MPPED2: variants seen among roughly 807,000 people sequenced by gnomAD.
MPPED2 encodes metallophosphoesterase domain containing 2.
In MPPED2, 5 loss-of-function variants were observed where a neutral mutation model predicts 33.0. The ratio of observed to expected loss-of-function variants is 0.15; its 90% confidence interval spans 0.08 to 0.32. MPPED2 has a LOEUF of 0.32. Ranked by LOEUF, MPPED2 falls within the 10% of genes least tolerant of loss-of-function variation. The pLI, the probability that MPPED2 is intolerant of heterozygous loss-of-function variation, is 1.00. For missense variants in MPPED2, 275 were observed against 372.1 expected (o/e 0.74, Z 2.15); for synonymous variants, 136 against 141.9 (o/e 0.96, Z 0.29).
At chr11:30,584,245 G>C (rs1327332014) in intron 1 of MPPED2, 1 of 152,110 alleles carries the variant, frequency 6.6e-6, no homozygotes. Context: ...TGGGGCGGTG[G>C]GGGGCGCGGA....
chr11:30,541,026 TG>T (rs1413900809), intron 2 of MPPED2, among the ~76,000 whole-genome samples: 1 of 152,232 alleles, frequency 6.6e-6, no homozygotes, highest in Non-Finnish European at 1.5e-5. Context: ...ACCAATGAGC[TG>T]TTCATCAAAG....
chr11:30,513,742 G>C (rs925483864), intron 3 of MPPED2, among the ~76,000 whole-genome samples: 3 of 151,976 alleles, frequency 2.0e-5, no homozygotes, highest in African/African-American at 7.3e-5. Context: ...ATGGATCCTG[G>C]TATAACATGG....
At chr11:30,513,568 C>G (rs1328188818) in intron 3 of MPPED2, among the ~76,000 whole-genome samples, 1 of 152,136 alleles carries the variant, frequency 6.6e-6, no homozygotes, top group African/African-American at 2.4e-5. Flanking sequence ...ATGGATAAGA[C>G]AGAAGGTTAA....
intron 3 of MPPED2, among the ~76,000 whole-genome samples, chr11:30,519,277 A>G (rs1239754031): frequency 6.6e-6 from 1 of 151,732 alleles, no homozygotes; most frequent in Non-Finnish European, 1.5e-5. Context: ...TCAAAAGCAA[A>G]CAAACAAACA....
intron 4 of MPPED2, among the ~76,000 whole-genome samples, chr11:30,431,990 T>C (rs938019430): frequency 2.0e-5 from 3 of 152,038 alleles, no homozygotes; most frequent in Admixed American, 6.6e-5. Flanking sequence ...GTCCGGCCAG[T>C]ATGGCAAAAC....
intron 2 of MPPED2, among the ~76,000 whole-genome samples, chr11:30,573,495 G>A (rs1956794137): frequency 6.6e-6 from 1 of 152,146 alleles, no homozygotes; most frequent in Non-Finnish European, 1.5e-5. Context: ...CCTTCAGGAG[G>A]TATTCCAGAA....
At chr11:30,444,898 G>A (rs902518901) in intron 4 of MPPED2, among the ~76,000 whole-genome samples, 4 of 152,136 alleles carry the variant, frequency 2.6e-5, no homozygotes, top group African/African-American at 4.8e-5. Context: ...CATATTCTCC[G>A]ATTTATTTCT....
chr11:30,520,400 C>A (rs553716504), intron 3 of MPPED2, among the ~76,000 whole-genome samples: 1 of 152,216 alleles, frequency 6.6e-6, no homozygotes, highest in East Asian at 1.9e-4. Flanking sequence ...GGCAATGTAA[C>A]CAAAATTAAG....
chr11:30,390,072 C>T (rs1947752469), intron 6 of MPPED2, among the ~76,000 whole-genome samples: 1 of 152,322 alleles, frequency 6.6e-6, no homozygotes. Flanking sequence ...GAAATGCAGG[C>T]ATCTAACTAG....
downstream of MPPED2, among the ~76,000 whole-genome samples, chr11:30,409,705 C>A (rs545696099): frequency 3.3e-5 from 5 of 152,186 alleles, no homozygotes; most frequent in Non-Finnish European, 7.3e-5. Context: ...CAAGATTATG[C>A]TGTTTTGCTT....
chr11:30,529,216 T>C (rs1384692885), intron 3 of MPPED2, among the ~76,000 whole-genome samples: 1 of 152,180 alleles, frequency 6.6e-6, no homozygotes, highest in Non-Finnish European at 1.5e-5. Context: ...GGGTGAAGAT[T>C]TCCTGCTATT....
intron 4 of MPPED2, chr11:30,425,428 T>C (rs981225465): frequency 2.0e-5 from 3 of 152,182 alleles, no homozygotes; most frequent in Non-Finnish European, 2.9e-5. Context: ...AATAATCTTA[T>C]AGTGTCCGCC....
At chr11:30,555,399 T>C (rs546802123) in intron 2 of MPPED2, among the ~76,000 whole-genome samples, 26 of 152,194 alleles carry the variant, frequency 1.7e-4, no homozygotes, top group Non-Finnish European at 3.2e-4. Flanking sequence ...TTTTCAGACC[T>C]AGAGTACTTC....
At chr11:30,498,880 G>A (rs1353981947) in intron 3 of MPPED2, among the ~76,000 whole-genome samples, 1 of 152,170 alleles carries the variant, frequency 6.6e-6, no homozygotes, top group Non-Finnish European at 1.5e-5. Flanking sequence ...TTAATGAGAT[G>A]TGGAAAACTT....
chr11:30,569,598 C>T (rs532786966), intron 2 of MPPED2, among the ~76,000 whole-genome samples: 7 of 152,246 alleles, frequency 4.6e-5, no homozygotes, highest in African/African-American at 1.2e-4. Context: ...TAACAGATGG[C>T]GAACCTTGGG....
At chr11:30,438,520 C>G (rs190801579) in intron 4 of MPPED2, among the ~76,000 whole-genome samples, 1 of 152,320 alleles carries the variant, frequency 6.6e-6, no homozygotes, top group African/African-American at 2.4e-5. Flanking sequence ...TGGGGTGAGA[C>G]ACTTGGGAAT....
intron 3 of MPPED2, among the ~76,000 whole-genome samples, chr11:30,523,937 A>G (rs1484419845): frequency 6.6e-6 from 1 of 152,160 alleles, no homozygotes; most frequent in Non-Finnish European, 1.5e-5. Flanking sequence ...CTTGGACCGG[A>G]AAGTTGCTGT....
intron 6 of MPPED2, among the ~76,000 whole-genome samples, chr11:30,396,329 C>T (rs190342781): frequency 9.3e-4 from 141 of 152,240 alleles, no homozygotes; most frequent in African/African-American, 3.1e-3. Flanking sequence ...AAATATATTC[C>T]CACTCCAGCC....
intron 3 of MPPED2, among the ~76,000 whole-genome samples, chr11:30,529,770 A>T (rs1954412370): frequency 6.6e-6 from 1 of 152,208 alleles, no homozygotes; most frequent in Non-Finnish European, 1.5e-5. Context: ...AAGGGAATAT[A>T]GTCTTCTGAG....
Sources: gnomAD v4.1 joint callset for allele counts (sites outside exome capture counted in the v4.1 genomes callset) on GRCh38, gnomAD v4.1.1 for gene constraint, MANE v1.5 for transcripts, NCBI Gene and HGNC (gene_info 2026-07-23, HGNC 2026-07-21) for gene names.